The following DGKB variants were observed in gnomAD, a reference collection of about 807,000 sequenced individuals.
DGKB encodes the protein 90 kDa diacylglycerol kinase.
A neutral mutation model predicts 114.3 loss-of-function variants in DGKB; 67 were observed. The observed-to-expected ratio is 0.59, with a 90% CI of 0.48 to 0.72. The LOEUF (loss-of-function observed/expected upper bound fraction) is 0.72, where lower values mean the gene tolerates loss of function less well. Ranked by LOEUF, DGKB falls within the 30% of genes least tolerant of loss-of-function variation. The pLI is 0.00. For missense variants in DGKB, 907 were observed against 975.2 expected (o/e 0.93, Z 0.93); for synonymous variants, 398 against 323.1 (o/e 1.23, Z -2.49).
chr7:14,153,100 A>AGACT (rs530855573), intron 25 of DGKB, among the ~76,000 whole-genome samples: 203 of 152,232 alleles, frequency 1.3e-3, no homozygotes, highest in African/African-American at 4.3e-3. Context: ...TTCTCTTCAA[A>AGACT]GACTTTGTTC....
intron 13 of DGKB, among the ~76,000 whole-genome samples, chr7:14,657,635 T>A (rs567749415): frequency 1.0e-3 from 152 of 152,038 alleles, no homozygotes; most frequent in African/African-American, 3.6e-3. Flanking sequence ...ACAGCCATAA[T>A]GATGTGAAAT....
At chr7:14,681,778 T>A (rs1379733650) in intron 12 of DGKB, among the ~76,000 whole-genome samples, 1 of 152,014 alleles carries the variant, frequency 6.6e-6, no homozygotes, top group Non-Finnish European at 1.5e-5. Context: ...ATTCCAAAAA[T>A]TTTTTCAAGC....
chr7:14,787,038 G>A (rs1212876317), intron 2 of DGKB, among the ~76,000 whole-genome samples: 1 of 152,120 alleles, frequency 6.6e-6, no homozygotes, highest in Non-Finnish European at 1.5e-5. Context: ...CAGATTTTGG[G>A]ACAACCTGCC....
intron 2 of DGKB, among the ~76,000 whole-genome samples, chr7:14,801,646 G>C (rs1236106215): frequency 6.6e-6 from 1 of 151,820 alleles, no homozygotes; most frequent in East Asian, 1.9e-4. Context: ...CTAGTCCTGG[G>C]ACTAACAGTT....
At chr7:14,507,870 G>T (rs1787341753) in intron 20 of DGKB, among the ~76,000 whole-genome samples, 1 of 152,160 alleles carries the variant, frequency 6.6e-6, no homozygotes, top group Admixed American at 6.5e-5. Context: ...AGAAATGCAG[G>T]TCCAAACACT....
intron 20 of DGKB, among the ~76,000 whole-genome samples, chr7:14,522,804 A>C (rs893438782): frequency 1.3e-5 from 2 of 152,208 alleles, no homozygotes; most frequent in Non-Finnish European, 2.9e-5. Context: ...TCACTTTGTC[A>C]TGCCTTCCAT....
chr7:14,510,483 A>G (rs1787824901), intron 20 of DGKB, among the ~76,000 whole-genome samples: 1 of 152,106 alleles, frequency 6.6e-6, no homozygotes, highest in Non-Finnish European at 1.5e-5. Flanking sequence ...ATTCAGTCAC[A>G]TCTTCAGGCT....
intron 2 of DGKB, among the ~76,000 whole-genome samples, chr7:14,833,800 C>G (rs890140485): frequency 1.3e-5 from 2 of 152,032 alleles, no homozygotes; most frequent in African/African-American, 4.8e-5. Flanking sequence ...CTGATAACTG[C>G]TTGGAGTTTC....
intron 1 of DGKB, among the ~76,000 whole-genome samples, chr7:14,892,872 G>GTGTT (rs1482591041): frequency 5.7e-4 from 85 of 150,296 alleles, no homozygotes; most frequent in Admixed American, 5.5e-3. Context: ...ATATGTGTGT[G>GTGTT]TGTGTGTGTG....
chr7:14,709,574 CA>C, intron 6 of DGKB, among the ~76,000 whole-genome samples: 1 of 134,888 alleles, frequency 7.4e-6, no homozygotes, highest in Non-Finnish European at 1.6e-5. Flanking sequence ...CCCAAATGTC[CA>C]ACAATGATAG....
intron 20 of DGKB, among the ~76,000 whole-genome samples, chr7:14,515,476 A>T (rs1788642377): frequency 6.6e-6 from 1 of 152,214 alleles, no homozygotes; most frequent in Admixed American, 6.5e-5. Context: ...TGAATCAAAC[A>T]ATCTAACATG....
chr7:14,930,611 T>C (rs1280435164), intron 1 of DGKB, among the ~76,000 whole-genome samples: 1 of 152,058 alleles, frequency 6.6e-6, no homozygotes, highest in East Asian at 1.9e-4. Flanking sequence ...TTTGGTGGAG[T>C]GTTTAGGTTT....
chr7:14,380,194 A>G (rs943038997), intron 21 of DGKB, among the ~76,000 whole-genome samples: 9 of 152,020 alleles, frequency 5.9e-5, no homozygotes, highest in Admixed American at 4.6e-4. Context: ...ATTTATAAAC[A>G]CTGTATACAT....
At chr7:14,906,640 A>G (rs1783725089), upstream of DGKB, among the ~76,000 whole-genome samples, 1 of 151,870 alleles carries the variant, frequency 6.6e-6, no homozygotes, top group African/African-American at 2.4e-5. Flanking sequence ...TTTAGTGGAG[A>G]CAGGGTTTCA....
chr7:14,168,616 TTTC>T (rs1784944788), intron 25 of DGKB, among the ~76,000 whole-genome samples: 1 of 152,254 alleles, frequency 6.6e-6, no homozygotes, highest in Non-Finnish European at 1.5e-5. Flanking sequence ...CGACTATGAA[TTTC>T]TTATCAGAAA....
intron 20 of DGKB, among the ~76,000 whole-genome samples, chr7:14,558,370 G>T (rs1796174283): frequency 6.6e-6 from 1 of 151,878 alleles, no homozygotes; most frequent in African/African-American, 2.4e-5. Context: ...CATTAGAATT[G>T]TATATTTCCT....
intron 13 of DGKB, among the ~76,000 whole-genome samples, chr7:14,654,827 T>C (rs1408836915): frequency 6.6e-6 from 1 of 151,950 alleles, no homozygotes; most frequent in African/African-American, 2.4e-5. Context: ...GATATTCATA[T>C]GCAGAGGAAT....
intron 1 of DGKB, among the ~76,000 whole-genome samples, chr7:14,867,569 C>T (rs923339950): frequency 2.0e-5 from 3 of 151,920 alleles, no homozygotes; most frequent in Admixed American, 6.6e-5. Context: ...GATAGTGGAG[C>T]ACAACTTTTT....
intron 2 of DGKB, among the ~76,000 whole-genome samples, chr7:14,782,857 T>C (rs1281390583): frequency 6.6e-6 from 1 of 151,998 alleles, no homozygotes; most frequent in Non-Finnish European, 1.5e-5. Context: ...TTAAGACAGA[T>C]GCGGTCTTGT....
Sources: allele counts gnomAD v4.1 joint callset (sites outside exome capture counted in the v4.1 genomes callset), GRCh38; gene constraint gnomAD v4.1.1; transcripts MANE v1.5; gene names NCBI Gene and HGNC (gene_info 2026-07-23, HGNC 2026-07-21).